The following TBC1D5 variants were observed in gnomAD, a reference collection of about 807,000 sequenced individuals.
The protein encoded by TBC1D5 is TBC1 domain family, member 5.
TBC1D5 carries 75 observed loss-of-function variants against 100.3 expected under a neutral mutation model. That is an observed-to-expected ratio of 0.75 (90% CI 0.62 to 0.91). TBC1D5 has a LOEUF of 0.91. Among genes scored for constraint, TBC1D5 ranks in the 40% least tolerant of loss-of-function variants. The pLI, the probability that TBC1D5 is intolerant of heterozygous loss-of-function variation, is 0.00. For missense variants in TBC1D5, 910 were observed against 942.4 expected (o/e 0.97, Z 0.45); for synonymous variants, 323 against 325.6 (o/e 0.99, Z 0.09).
intron 4 of TBC1D5, among the ~76,000 whole-genome samples, chr3:17,411,272 T>C (rs1351263025): frequency 1.3e-5 from 2 of 152,132 alleles, no homozygotes; most frequent in African/African-American, 4.8e-5. Context: ...TGCTATTGCA[T>C]ACTTAATAGA....
chr3:17,611,282 G>A (rs974845534), intron 2 of TBC1D5, among the ~76,000 whole-genome samples: 1 of 152,144 alleles, frequency 6.6e-6, no homozygotes, highest in Non-Finnish European at 1.5e-5. Flanking sequence ...CCTGATCTCA[G>A]AAGACAAGTG....
chr3:17,506,332 T>C (rs2095844997), intron 3 of TBC1D5, among the ~76,000 whole-genome samples: 1 of 152,232 alleles, frequency 6.6e-6, no homozygotes, highest in East Asian at 1.9e-4. Context: ...CTATGGTTAG[T>C]AACCTTTATG....
At chr3:17,717,465 CA>C (rs1423012719) in intron 1 of TBC1D5, among the ~76,000 whole-genome samples, 1 of 152,050 alleles carries the variant, frequency 6.6e-6, no homozygotes, top group Non-Finnish European at 1.5e-5. Flanking sequence ...TAGTAATTAC[CA>C]ATTAATACAC....
chr3:17,408,869 C>T (rs1015647060), intron 4 of TBC1D5, among the ~76,000 whole-genome samples: 14 of 152,126 alleles, frequency 9.2e-5, no homozygotes, highest in African/African-American at 3.4e-4. Flanking sequence ...GCCACTCCAA[C>T]ATCAAACAAA....
chr3:17,589,822 T>C (rs1576878363), intron 2 of TBC1D5, among the ~76,000 whole-genome samples: 1 of 152,298 alleles, frequency 6.6e-6, no homozygotes, highest in East Asian at 1.9e-4. Flanking sequence ...TCTGCCCTCA[T>C]AGAACTTATA....
chr3:17,733,455 C>G (rs2076724465), intron 1 of TBC1D5, among the ~76,000 whole-genome samples: 2 of 152,134 alleles, frequency 1.3e-5, no homozygotes, highest in South Asian at 2.1e-4. Context: ...AAAAAATCTT[C>G]AAGTTCTAAG....
intron 1 of TBC1D5, among the ~76,000 whole-genome samples, chr3:17,731,008 A>T (rs994304949): frequency 3.3e-5 from 5 of 152,174 alleles, no homozygotes; most frequent in African/African-American, 1.2e-4. Context: ...CAGGAAGAGC[A>T]CAACACAGAC....
In TBC1D5 at chr3:17,399,718, AAG is replaced by A. The variant is rs920677152; in HGVS notation, c.509+3461_509+3462del. On this transcript the variant is annotated intron_variant, in intron 8 of 21. Coordinates refer to ENST00000253692, the Ensembl canonical transcript of TBC1D5. ...ATCTTTACTTTTTACTGTGGTCTAC[AAG>A]ACTGTCCTGGCCTTTGCTCTCCTCT... is the stretch of plus-strand genomic sequence containing the variant. Among the ~76,000 whole-genome samples, 149 of 152,214 alleles carry A rather than the reference AAG, an allele frequency of 9.8e-4. 1 individual carries two copies. The highest frequency in any genetic ancestry group is 3.4e-3 in the African/African-American group (141 of 41,544).
At chr3:17,267,297 A>G (rs1200512831) in intron 15 of TBC1D5, among the ~76,000 whole-genome samples, 1 of 151,960 alleles carries the variant, frequency 6.6e-6, no homozygotes, top group Admixed American at 6.6e-5. Flanking sequence ...TGTTGCTAAT[A>G]CTGGGCCTCA....
chr3:17,438,152 G>C (rs1265067154), intron 3 of TBC1D5, among the ~76,000 whole-genome samples: 1 of 152,182 alleles, frequency 6.6e-6, no homozygotes, highest in Non-Finnish European at 1.5e-5. Flanking sequence ...TTTCGAGAAA[G>C]AGTTGCATTG....
At chr3:17,717,780 G>A (rs1317544702) in intron 1 of TBC1D5, among the ~76,000 whole-genome samples, 1 of 151,990 alleles carries the variant, frequency 6.6e-6, no homozygotes, top group Admixed American at 6.6e-5. Context: ...ACCACTCTAA[G>A]GAATATATTT....
intron 1 of TBC1D5, chr3:17,706,109 G>T: frequency 6.2e-7 from 1 of 1,606,358 alleles, no homozygotes; most frequent in Non-Finnish European, 8.5e-7. Flanking sequence ...TGCCCTCGAA[G>T]GTGAAGTCCA....
At chr3:17,193,873 A>T (rs2070301252) in intron 18 of TBC1D5, among the ~76,000 whole-genome samples, 1 of 152,270 alleles carries the variant, frequency 6.6e-6, no homozygotes, top group Admixed American at 6.5e-5. Flanking sequence ...TATAACTATT[A>T]GCACTTAGCC....
chr3:17,182,914 T>C (rs892040483), intron 19 of TBC1D5, among the ~76,000 whole-genome samples: 1 of 152,192 alleles, frequency 6.6e-6, no homozygotes, highest in Non-Finnish European at 1.5e-5. Context: ...TTCCTCCCTT[T>C]GCCTTGTTCT....
chr3:17,201,067 T>C (rs2071403368), intron 18 of TBC1D5, among the ~76,000 whole-genome samples: 1 of 152,188 alleles, frequency 6.6e-6, no homozygotes, highest in African/African-American at 2.4e-5. Flanking sequence ...TGCTAACATG[T>C]TTTCCTGGTA....
chr3:17,612,299 CAAA>C (rs111532896), intron 2 of TBC1D5, among the ~76,000 whole-genome samples: 23 of 61,002 alleles, frequency 3.8e-4, no homozygotes, highest in African/African-American at 1.1e-3. Flanking sequence ...GACACCGTCT[CAAA>C]AAAAAAAAAA....
chr3:17,553,730 G>A (rs1228412445), intron 2 of TBC1D5, among the ~76,000 whole-genome samples: 1 of 152,182 alleles, frequency 6.6e-6, no homozygotes, highest in Non-Finnish European at 1.5e-5. Flanking sequence ...TCCACTGGAA[G>A]TATTCTGTAA....
chr3:17,177,740 T>C (rs1243272635), intron 19 of TBC1D5, among the ~76,000 whole-genome samples: 1 of 152,100 alleles, frequency 6.6e-6, no homozygotes, highest in Non-Finnish European at 1.5e-5. Context: ...CTTAAATTTT[T>C]TTTTTTATTT....
intron 1 of TBC1D5, among the ~76,000 whole-genome samples, chr3:17,708,312 T>C (rs2074380322): frequency 6.6e-6 from 1 of 152,252 alleles, no homozygotes; most frequent in African/African-American, 2.4e-5. Flanking sequence ...TTAACTATGC[T>C]TTTATCAAGT....
Sources: gnomAD v4.1 joint callset for allele counts (sites outside exome capture counted in the v4.1 genomes callset) on GRCh38, gnomAD v4.1.1 for gene constraint, MANE v1.5 for transcripts, NCBI Gene and HGNC (gene_info 2026-07-23, HGNC 2026-07-21) for gene names.